The following CLIP2 variants were observed in gnomAD, a reference collection of about 807,000 sequenced individuals.
CLIP2 encodes CAP-Gly domain-containing linker protein 2.
In CLIP2, 41 loss-of-function variants were observed where a neutral mutation model predicts 111.7. That is an observed-to-expected ratio of 0.37 (90% CI 0.29 to 0.48). CLIP2 has a LOEUF of 0.48. Among genes scored for constraint, CLIP2 ranks in the 20% least tolerant of loss-of-function variants. The pLI, the probability that CLIP2 is intolerant of heterozygous loss-of-function variation, is 0.99. For missense variants in CLIP2, 1,160 were observed against 1,422.1 expected, an observed-to-expected ratio of 0.82 and a Z score of 2.96; for synonymous variants, 660 against 644.2, an observed-to-expected ratio of 1.02 and a Z score of -0.37.
intron 1 of CLIP2, among the ~76,000 whole-genome samples, chr7:74,299,944 G>A (rs1004924716): frequency 1.3e-5 from 2 of 152,006 alleles, no homozygotes; most frequent in African/African-American, 4.8e-5. Context: ...TGATCCACCT[G>A]CCTTGGCCTC....
intron 14 of CLIP2, 105 bp from the exon 15 acceptor site, chr7:74,400,265 C>T: frequency 1.9e-6 from 2 of 1,037,240 alleles, no homozygotes; most frequent in Non-Finnish European, 2.8e-6. Flanking sequence ...AGGCTTGGAA[C>T]CCAGAGACAA....
chr7:74,338,709 G>A lies in CLIP2; in HGVS notation c.383G>A (p.Arg128His), dbSNP rs1554732690. 1 of 1,587,750 alleles carries A rather than the reference G, an allele frequency of 6.3e-7. No homozygotes were observed. Reference protein sequence around the residue: ...GKNDGAVGGVRYFECPALQGI... With the variant: ...GKNDGAVGGVHYFECPALQGI... Reference sequence around the variant, plus strand: ...AATGATGGCGCGGTGGGCGGCGTGCGCTACTTCGAGTGCCCGGCCCTCCAG... The same window carrying A: ...AATGATGGCGCGGTGGGCGGCGTGCACTACTTCGAGTGCCCGGCCCTCCAG... The change falls in exon 3 of 17, where the codon CGC becomes CAC. Residue 128 changes from arginine to histidine, a missense_variant. Coordinates refer to ENST00000223398, the MANE Select transcript of CLIP2 (RefSeq NM_003388.5). This position sits in a 1 kb window ranked among gnomAD's most constrained non-coding sequence, Gnocchi z 4.3.
At chr7:74,375,209 G>A (rs1402999143) in intron 9 of CLIP2, among the ~76,000 whole-genome samples, 6 of 150,670 alleles carry the variant, frequency 4.0e-5, no homozygotes, top group Non-Finnish European at 5.9e-5. Context: ...ATTATTGCAC[G>A]GCTGCACTCC....
intron 13 of CLIP2, among the ~76,000 whole-genome samples, chr7:74,395,702 C>T (rs1427343631): frequency 6.6e-6 from 1 of 152,194 alleles, no homozygotes; most frequent in Non-Finnish European, 1.5e-5. Context: ...CCACCGTGGG[C>T]TCCTCCACAC....
At chr7:74,298,942 C>T (rs1465761778) in intron 1 of CLIP2, among the ~76,000 whole-genome samples, 1 of 152,134 alleles carries the variant, frequency 6.6e-6, no homozygotes, top group Admixed American at 6.5e-5. Context: ...GGACGTGTGA[C>T]CTAGTGGATA....
intron 2 of CLIP2, among the ~76,000 whole-genome samples, chr7:74,336,215 A>G (rs1385397810): frequency 2.0e-5 from 3 of 151,128 alleles, no homozygotes; most frequent in Non-Finnish European, 4.4e-5. Context: ...CTACAGGCAT[A>G]TGCCACCACG....
At chr7:74,386,282 C>T (rs1320543297) in intron 11 of CLIP2, 6 of 345,808 alleles carry the variant, frequency 1.7e-5, no homozygotes, top group East Asian at 8.0e-5. Flanking sequence ...TCAGGTGATC[C>T]GCCGGCCTCG....
intron 2 of CLIP2, among the ~76,000 whole-genome samples, chr7:74,326,871 C>T (rs1237603907): frequency 4.0e-5 from 6 of 151,538 alleles, no homozygotes; most frequent in Admixed American, 2.6e-4. Flanking sequence ...CTCCTGACCT[C>T]GTGATCCGCC....
intron 1 of CLIP2, among the ~76,000 whole-genome samples, chr7:74,315,351 C>CTT (rs56948462): frequency 9.0e-4 from 133 of 147,582 alleles, no homozygotes; most frequent in African/African-American, 2.6e-3. Context: ...GCATCACACA[C>CTT]TTTTTTTTTT....
chr7:74,338,487 C>T lies in CLIP2; in HGVS notation c.161C>T (p.Ser54Phe), dbSNP rs1231268302. The T allele has an allele frequency of 6.2e-7, 1 of 1,612,480 alleles. No homozygotes were observed. The highest frequency in any genetic ancestry group is 8.5e-7 in the Non-Finnish European group (1 of 1,179,730). The change falls in exon 3 of 17, where the codon TCC (serine) becomes TTC (phenylalanine). Residue 54 changes from serine (S) to phenylalanine (F), a missense_variant. Around this residue, in one of 5 missense-constraint regions of CLIP2, gnomAD observed 301 missense variants for 315.2 expected, o/e 0.96. Coordinates refer to ENST00000223398, the MANE Select transcript of CLIP2 (RefSeq NM_003388.5). The surrounding 1 kb of genome is among the most constrained non-coding windows in gnomAD (Gnocchi z 4.3). ...LHKQSSGPSS[S>F]PAAAAAPEKP... ...AAACAGTCATCTGGACCCTCCTCCT[C>T]CCCGGCCGCAGCTGCTGCCCCCGAG...
intron 2 of CLIP2, among the ~76,000 whole-genome samples, chr7:74,320,401 G>A (rs1554729861): frequency 6.6e-6 from 1 of 151,716 alleles, no homozygotes; most frequent in Non-Finnish European, 1.5e-5. Flanking sequence ...GTATACCTGT[G>A]GTTCCAGTTA....
rs997652493 is a variant in CLIP2, at chr7:74,392,404, C to A, written c.2720+3145C>A. 2.6e-5 allele frequency among the ~76,000 whole-genome samples: 4 copies of A among 151,418 alleles called. No individual in the cohort carries two copies. The South Asian group carries it at 8.4e-4, about 32-fold the overall frequency. On this transcript the variant is annotated intron_variant, in intron 13 of 16. Coordinates refer to ENST00000223398, the MANE Select transcript of CLIP2 (RefSeq NM_003388.5). The stretch of plus-strand genomic sequence containing the variant: ...AGAAAATAGCTGGGCGTGGAGCACA[C>A]GCCTGTGGGTCCCAGCTACTCAGGA...
At chr7:74,340,093 CAAT>C (rs374889797) in intron 3 of CLIP2, among the ~76,000 whole-genome samples, 56 of 150,706 alleles carry the variant, frequency 3.7e-4, no homozygotes, top group Middle Eastern at 3.5e-3. Flanking sequence ...GACCCTGTTT[CAAT>C]AATAATAATA....
chr7:74,370,276 G>A (rs1481814896), intron 8 of CLIP2, among the ~76,000 whole-genome samples: 5 of 151,584 alleles, frequency 3.3e-5, no homozygotes, highest in African/African-American at 9.7e-5. Context: ...CTACCATGGT[G>A]AAACCCTGTC....
At chr7:74,351,112 GAAGAAAGAGAGAGAGA>G (rs1327188657) in intron 3 of CLIP2, among the ~76,000 whole-genome samples, 21 of 147,778 alleles carry the variant, frequency 1.4e-4, no homozygotes, top group South Asian at 4.4e-4. Flanking sequence ...GGAAGGAAGG[GAAGAAAGAGAGAGAGA>G]AAGAAAGAGA....
At chr7:74,372,888 T>TC in intron 8 of CLIP2, 44 bp from the exon 9 acceptor site, 5 of 309,178 alleles carry the variant, frequency 1.6e-5, no homozygotes, top group South Asian at 6.5e-5. Context: ...CCTCCCTGCG[T>TC]CCCCGCCCCC....
rs540486253 is a variant in CLIP2 at position 74,370,859 on chromosome 7, T to A, written c.1381-2073T>A. ...TTTCACGTTCATTCCAGTTACTCTC[T>A]CCCCAGTGCTCTGTTCATAGTGCAA... On this transcript the variant is annotated intron_variant, in intron 8 of 16. Transcript: ENST00000223398. Among the ~76,000 whole-genome samples the A allele has an allele frequency of 1.7e-3, 252 of 152,096 alleles. 1 individual carries two copies. Among genetic ancestry groups the A allele is most frequent in the Middle Eastern group, 0.01 (3 of 294 alleles).
intron 9 of CLIP2, among the ~76,000 whole-genome samples, chr7:74,374,544 A>G (rs1201331478): frequency 6.6e-6 from 1 of 152,124 alleles, no homozygotes; most frequent in African/African-American, 2.4e-5. Flanking sequence ...AACATGGTGA[A>G]ACCCTGTCTC....
intron 8 of CLIP2, among the ~76,000 whole-genome samples, chr7:74,372,456 C>A (rs180782059): frequency 2.0e-5 from 3 of 150,416 alleles, no homozygotes; most frequent in Non-Finnish European, 1.5e-5. Flanking sequence ...TATTCCTCAT[C>A]CTGTGGGTCT....
Sources: allele counts gnomAD v4.1 joint callset (sites outside exome capture counted in the v4.1 genomes callset), GRCh38; gene constraint gnomAD v4.1.1; regional missense constraint gnomAD v4.1.1; non-coding constraint Gnocchi (gnomAD v3.1); transcripts MANE v1.5; gene names NCBI Gene and HGNC (gene_info 2026-07-23, HGNC 2026-07-21).